GRAMD1B: variants seen among roughly 807,000 people sequenced by gnomAD.
The protein encoded by GRAMD1B is GRAM domain containing 1B.
In GRAMD1B, 37 loss-of-function variants were observed where a neutral mutation model predicts 99.7. That is an observed-to-expected ratio of 0.37 (90% CI 0.29 to 0.49). The LOEUF (loss-of-function observed/expected upper bound fraction) is 0.49, where lower values mean the gene tolerates loss of function less well. GRAMD1B is among the 20% of genes least tolerant of loss of function. GRAMD1B has a pLI of 0.98. For missense variants in GRAMD1B, 888 were observed against 1,009.2 expected (o/e 0.88, Z 1.63); for synonymous variants, 427 against 387.6 (o/e 1.10, Z -1.19).
intron 2 of GRAMD1B, among the ~76,000 whole-genome samples, chr11:123,543,643 T>C (rs997794528): frequency 1.3e-5 from 2 of 152,246 alleles, no homozygotes; most frequent in South Asian, 4.1e-4. Context: ...CAGAAACTTT[T>C]CTTGGAAGTC....
intron 2 of GRAMD1B, among the ~76,000 whole-genome samples, chr11:123,528,975 T>C (rs945772614): frequency 1.3e-5 from 2 of 152,246 alleles, no homozygotes; most frequent in African/African-American, 4.8e-5. Flanking sequence ...CAGTCAGGCC[T>C]TCTTTCCCAG....
chr11:123,598,476 T>G, intron 7 of GRAMD1B: 1 of 1,084,394 alleles, frequency 9.2e-7, no homozygotes, highest in Non-Finnish European at 1.4e-6. Context: ...TTCATAGATT[T>G]GGGCTTCTAG....
intron 8 of GRAMD1B, among the ~76,000 whole-genome samples, chr11:123,603,010 C>T (rs1458678087): frequency 6.6e-6 from 1 of 152,158 alleles, no homozygotes. Flanking sequence ...GGTGGGGCAC[C>T]GGGTCAGGGG....
intron 2 of GRAMD1B, among the ~76,000 whole-genome samples, chr11:123,483,225 C>G (rs376834663): frequency 6.6e-6 from 1 of 152,042 alleles, no homozygotes; most frequent in South Asian, 2.1e-4. Flanking sequence ...GAACTGAGAA[C>G]GAAGTGACTA....
At chr11:123,608,254 T>C in intron 11 of GRAMD1B, 1 of 531,384 alleles carries the variant, frequency 1.9e-6, no homozygotes, top group Non-Finnish European at 3.4e-6. Flanking sequence ...GGGTTACAAC[T>C]ACAATTTGTT....
At chr11:123,476,470 C>T (rs918564376) in intron 1 of GRAMD1B, among the ~76,000 whole-genome samples, 30 of 152,190 alleles carry the variant, frequency 2.0e-4, no homozygotes, top group Admixed American at 8.5e-4. Flanking sequence ...AGGCCTCTGC[C>T]GAGGGTACTG....
At chr11:123,596,938 C>G (rs1271640958) in intron 7 of GRAMD1B, among the ~76,000 whole-genome samples, 1 of 152,136 alleles carries the variant, frequency 6.6e-6, no homozygotes, top group Admixed American at 6.5e-5. Flanking sequence ...CTACCCAACT[C>G]TACCATGGCT....
rs181533551 is a variant in GRAMD1B at position 123,433,607 on chromosome 11, T to C, written c.374+2441T>C. Among the ~76,000 whole-genome samples, 277 of 152,112 alleles carry C rather than the reference T, an allele frequency of 1.8e-3. 1 individual carries two copies. Among genetic ancestry groups the C allele is most frequent in the African/African-American group, 6.4e-3 (265 of 41,484 alleles). The stretch of plus-strand genomic sequence containing the variant: ...AGTTCAAGGCTTTAGTAGGCTATAA[T>C]GGTGCCTGTGAATAACCACTGCATT... On this transcript the variant is annotated intron_variant, in intron 1 of 19. Transcript: ENST00000635736.
At chr11:123,533,719 G>A (rs1943656397) in intron 2 of GRAMD1B, among the ~76,000 whole-genome samples, 1 of 152,202 alleles carries the variant, frequency 6.6e-6, no homozygotes, top group East Asian at 1.9e-4. Flanking sequence ...GAGCCACTGT[G>A]CCTGGCCTCA....
rs116365003 is a variant in GRAMD1B at position 123,405,235 on chromosome 11, A to G, written c.-176+46436A>G. On this transcript the variant is annotated intron_variant, in intron 1 of 20. Transcript: ENST00000638157. ...GTGTGTGTGTGAAAGAGAGAGAGAG[A>G]GAGACTGCCTACAGCCTTAAGACTG... 6.5e-3 allele frequency among the ~76,000 whole-genome samples: 984 copies of G among 151,760 alleles called. 16 individuals carry two copies. The highest frequency in any genetic ancestry group is 0.023 in the African/African-American group (944 of 41,360).
At chr11:123,363,776 G>A (rs966484614) in intron 1 of GRAMD1B, among the ~76,000 whole-genome samples, 2 of 152,102 alleles carry the variant, frequency 1.3e-5, no homozygotes, top group African/African-American at 4.8e-5. Flanking sequence ...CTTTGCTGAC[G>A]GGACAGTGCT....
intron 8 of GRAMD1B, among the ~76,000 whole-genome samples, chr11:123,602,170 A>G (rs10790580): frequency 0.33 from 49,899 of 152,010 alleles, 8,410 homozygotes; most frequent in South Asian, 0.42. Flanking sequence ...CTGCCAGCCT[A>G]GAGTCAGGGC....
rs146674142 is a variant in GRAMD1B at position 123,437,923 on chromosome 11, C to T, written c.374+6757C>T. ...CCCGTCACTATTGGTGTAGCTTCTCCGCTCTGTGTGTGCCCTGCTACATAT... is the reference window on the plus strand; with the variant it reads ...CCCGTCACTATTGGTGTAGCTTCTCTGCTCTGTGTGTGCCCTGCTACATAT... On this transcript the variant is annotated intron_variant, in intron 1 of 19. Transcript: ENST00000635736. 1.6e-3 allele frequency among the ~76,000 whole-genome samples: 245 copies of T among 152,292 alleles called. 2 individuals carry two copies. Among genetic ancestry groups the T allele is most frequent in the South Asian group, 7.9e-3 (38 of 4,828 alleles).
At chr11:123,476,195 G>A (rs1951262768) in intron 1 of GRAMD1B, among the ~76,000 whole-genome samples, 1 of 151,928 alleles carries the variant, frequency 6.6e-6, no homozygotes, top group Admixed American at 6.6e-5. Flanking sequence ...CCACCTCCCA[G>A]GTTCAAGTGA....
At position 123,422,326 on chromosome 11, in the gene GRAMD1B, T is replaced by A. The variant is rs143598366; in HGVS notation, c.-175-58490T>A. On this transcript the variant is annotated intron_variant, in intron 1 of 20. Transcript: ENST00000638157. The stretch of plus-strand genomic sequence containing the variant: ...AAGTGCAGAATTGCATAGAGGTGAA[T>A]TGTTTACAGTTACTGCCTCAAGATG... 2.6e-5 allele frequency among the ~76,000 whole-genome samples: 4 copies of A among 152,346 alleles called. No homozygotes were observed. In the East Asian group the frequency reaches 7.7e-4, roughly 29 times the overall value.
intron 2 of GRAMD1B, among the ~76,000 whole-genome samples, chr11:123,538,769 A>T (rs1044894326): frequency 2.0e-5 from 3 of 151,864 alleles, no homozygotes; most frequent in African/African-American, 7.3e-5. Context: ...ACAGGCACGC[A>T]TCACCACACC....
chr11:123,551,972 C>A (rs1945658095), intron 2 of GRAMD1B, among the ~76,000 whole-genome samples: 1 of 152,194 alleles, frequency 6.6e-6, no homozygotes, highest in Admixed American at 6.5e-5. Flanking sequence ...ATCATGACTA[C>A]AGATTATTTA....
intron 1 of GRAMD1B, among the ~76,000 whole-genome samples, chr11:123,399,110 G>A (rs1164687539): frequency 6.6e-6 from 1 of 152,052 alleles, no homozygotes; most frequent in Non-Finnish European, 1.5e-5. Context: ...CCAGTCTCTG[G>A]CAAACAACAT....
intron 2 of GRAMD1B, among the ~76,000 whole-genome samples, chr11:123,496,608 C>T (rs1939307723): frequency 6.6e-6 from 1 of 151,352 alleles, no homozygotes; most frequent in Non-Finnish European, 1.5e-5. Flanking sequence ...AGGCTGTTTT[C>T]TAGATCTCGT....
Sources: gnomAD v4.1 joint callset for allele counts (sites outside exome capture counted in the v4.1 genomes callset) on GRCh38, gnomAD v4.1.1 for gene constraint, MANE v1.5 for transcripts, NCBI Gene and HGNC (gene_info 2026-07-23, HGNC 2026-07-21) for gene names.